The following CBLN2 variants were observed in gnomAD, a reference collection of about 807,000 sequenced individuals.
The protein encoded by CBLN2 is cerebellin-2.
In CBLN2, 7 loss-of-function variants were observed where a neutral mutation model predicts 15.0. That is an observed-to-expected ratio of 0.47 (90% CI 0.27 to 0.88). The LOEUF is 0.88. CBLN2 is among the 40% of genes least tolerant of loss of function. CBLN2 has a pLI of 0.14. For missense variants in CBLN2, 242 were observed against 304.5 expected (o/e 0.79, Z 1.53); for synonymous variants, 149 against 135.2 (o/e 1.10, Z -0.71).
At chr18:72,558,498 C>T (rs992339952) in intron 1 of CBLN2, among the ~76,000 whole-genome samples, 1 of 152,114 alleles carries the variant, frequency 6.6e-6, no homozygotes, top group African/African-American at 2.4e-5. Flanking sequence ...GATCCTTGAA[C>T]CTGAGGGTTA....
rs2069115139 is a variant in CBLN2 at position 72,541,892 on chromosome 18, C to T, written c.269G>A (p.Ser90Asn). The T allele has an allele frequency of 6.2e-7, 1 of 1,607,462 alleles. No individual in the cohort carries two copies. Among genetic ancestry groups the T allele is most frequent in the African/African-American group, 1.3e-5 (1 of 74,964 alleles). ...CGTGGCGGAGAAGGCCACCTTGGCG[C>T]TGCCGGAGCGCACGGAGATGCCTAG... The part of the protein sequence containing the change: ...SSLGISVRSG[S>N]AKVAFSATRS... Residue 90 changes from serine to asparagine, a missense_variant, in exon 3 of 5, where the codon AGC (serine) becomes AAC (asparagine). Physicochemically the swap from Ser to Asn is conservative, Grantham distance 46. Coordinates refer to ENST00000269503, the MANE Select transcript of CBLN2 (RefSeq NM_182511.4).
intron 1 of CBLN2, among the ~76,000 whole-genome samples, chr18:72,553,345 G>A (rs1049024958): frequency 6.6e-6 from 1 of 152,096 alleles, no homozygotes; most frequent in East Asian, 1.9e-4. Flanking sequence ...TGTCAATGAG[G>A]GAAGGAGCGA....
At chr18:72,626,577 G>A (rs2069740975) in intron 1 of CBLN2, among the ~76,000 whole-genome samples, 1 of 152,082 alleles carries the variant, frequency 6.6e-6, no homozygotes, top group Non-Finnish European at 1.5e-5. Context: ...GCGGGCGCCT[G>A]TAATCCCAGC....
In CBLN2 at chr18:72,618,539, GAA is replaced by G. The variant is rs1215493092; in HGVS notation, c.15+19784_15+19785del. The G allele has an allele frequency of 1.5e-5, 11 of 721,494 alleles. No individual in the cohort carries two copies. The African/African-American group carries it at 1.5e-4, about 10-fold the overall frequency. The allele number at this position is 721,494 out of a possible 1,614,324, so 44.7% of individuals were successfully genotyped here. A position where few individuals can be genotyped will look rare whatever the true frequency, so the allele number is the denominator to read the frequency against. Reference sequence around the variant, plus strand: ...TTGTGGAACCAAAAAGCTGTCTCAAGAAAAGTTTCTCAAAGACCAGGTGTCCA... The same window carrying G: ...TTGTGGAACCAAAAAGCTGTCTCAAGAAGTTTCTCAAAGACCAGGTGTCCA... On this transcript the variant is annotated intron_variant, in intron 1 of 2. Coordinates refer to the CBLN2 transcript ENST00000581073.
At chr18:72,593,265 T>C (rs1330107022) in intron 1 of CBLN2, among the ~76,000 whole-genome samples, 1 of 152,148 alleles carries the variant, frequency 6.6e-6, no homozygotes, top group African/African-American at 2.4e-5. Flanking sequence ...TATTTATTTG[T>C]AGCTATTATA....
intron 1 of CBLN2, among the ~76,000 whole-genome samples, chr18:72,578,759 T>C (rs904255440): frequency 6.6e-6 from 1 of 152,196 alleles, no homozygotes; most frequent in South Asian, 2.1e-4. Context: ...CACTCCTTAG[T>C]GTGCTACCTG....
upstream of CBLN2, among the ~76,000 whole-genome samples, chr18:72,546,237 A>G (rs1449414003): frequency 6.6e-6 from 1 of 152,142 alleles, no homozygotes; most frequent in African/African-American, 2.4e-5. Flanking sequence ...GGAGATTGAG[A>G]CCATCCTGGC....
chr18:72,636,222 G>A (rs774199417), intron 1 of CBLN2, among the ~76,000 whole-genome samples: 8 of 151,986 alleles, frequency 5.3e-5, no homozygotes, highest in Non-Finnish European at 8.8e-5. Context: ...TACTAGTTAC[G>A]TAGGTATTGA....
rs566971507 is a variant in CBLN2, at chr18:72,626,593, G to A, written c.15+11732C>T. The stretch of plus-strand genomic sequence containing the variant: ...CGGGCGCCTGTAATCCCAGCTACTC[G>A]GGAGGCTGAGGTAGGAGAATTGCTT... On this transcript the variant is annotated intron_variant, in intron 1 of 2. Transcript: ENST00000581073. Among the ~76,000 whole-genome samples the A allele has an allele frequency of 2.6e-5, 4 of 152,082 alleles. No individual in the cohort carries two copies. In the South Asian group the frequency reaches 6.3e-4, roughly 24 times the overall value.
chr18:72,561,603 A>G (rs1338061042), intron 1 of CBLN2, among the ~76,000 whole-genome samples: 3 of 152,238 alleles, frequency 2.0e-5, no homozygotes, highest in African/African-American at 7.2e-5. Context: ...AACTTGCACC[A>G]GGAGTAATTT....
intron 1 of CBLN2, among the ~76,000 whole-genome samples, chr18:72,625,818 C>CTCTATATATATA (rs1469005975): frequency 1.7e-5 from 1 of 57,400 alleles, no homozygotes; most frequent in African/African-American, 6.4e-5. Context: ...CTCTCTCTCT[C>CTCTATATATATA]TATATATATA....
upstream of CBLN2, among the ~76,000 whole-genome samples, chr18:72,547,338 G>C (rs1193527503): frequency 6.6e-6 from 1 of 152,148 alleles, no homozygotes; most frequent in Non-Finnish European, 1.5e-5. Flanking sequence ...ACAGATGTTA[G>C]AAGCTCAGAA....
chr18:72,599,051 G>C (rs1378758138), intron 1 of CBLN2, among the ~76,000 whole-genome samples: 1 of 152,160 alleles, frequency 6.6e-6, no homozygotes, highest in Admixed American at 6.5e-5. Flanking sequence ...TCTTGTGAAG[G>C]TGTTTTTCCC....
intron 1 of CBLN2, among the ~76,000 whole-genome samples, chr18:72,565,344 TACC>T (rs1279000054): frequency 6.6e-6 from 1 of 152,122 alleles, no homozygotes; most frequent in African/African-American, 2.4e-5. Flanking sequence ...CAATATGTAA[TACC>T]ACCATTATAG....
intron 1 of CBLN2, among the ~76,000 whole-genome samples, chr18:72,596,530 A>G (rs1162609353): frequency 6.6e-6 from 1 of 152,094 alleles, no homozygotes; most frequent in African/African-American, 2.4e-5. Flanking sequence ...TTACCTTCAG[A>G]TGATTTCTTG....
intron 1 of CBLN2, among the ~76,000 whole-genome samples, chr18:72,584,851 G>A (rs371307305): frequency 6.9e-4 from 105 of 152,232 alleles, no homozygotes; most frequent in African/African-American, 2.4e-3. Context: ...GTTTTGATAA[G>A]GCCCACTGGG....
intron 1 of CBLN2, among the ~76,000 whole-genome samples, chr18:72,605,566 A>G (rs575349318): frequency 2.3e-4 from 35 of 152,356 alleles, no homozygotes; most frequent in African/African-American, 6.7e-4. Context: ...ATGTCACTTC[A>G]TACTGACATA....
At chr18:72,571,016 T>A (rs1467501354) in intron 1 of CBLN2, among the ~76,000 whole-genome samples, 4 of 152,234 alleles carry the variant, frequency 2.6e-5, no homozygotes, top group Admixed American at 2.0e-4. Flanking sequence ...TTTGTTTGGA[T>A]GTTTATCATA....
intron 1 of CBLN2, among the ~76,000 whole-genome samples, chr18:72,584,733 A>T (rs2069431137): frequency 6.6e-6 from 1 of 152,234 alleles, no homozygotes; most frequent in Non-Finnish European, 1.5e-5. Flanking sequence ...TACACAATAA[A>T]TATTTGTTAA....
Sources: gnomAD v4.1 joint callset for allele counts (sites outside exome capture counted in the v4.1 genomes callset) on GRCh38, gnomAD v4.1.1 for gene constraint, MANE v1.5 for transcripts, NCBI Gene and HGNC (gene_info 2026-07-23, HGNC 2026-07-21) for gene names.